Variants in SECISBP2L observed in about 807,000 individuals in gnomAD.
SECISBP2L encodes SECIS binding protein 2 like.
Under a neutral mutation model 114.7 loss-of-function variants are expected in SECISBP2L, and 43 were observed. The ratio of observed to expected loss-of-function variants is 0.38; its 90% CI spans 0.29 to 0.48. SECISBP2L has a LOEUF of 0.48. Among genes scored for constraint, SECISBP2L ranks in the 20% least tolerant of loss-of-function variants. The pLI is 0.98. For synonymous variants in SECISBP2L, 451 were observed against 439.7 expected (o/e 1.03, Z -0.32); for missense variants, 1,136 against 1,301.1 (o/e 0.87, Z 1.95).
chr15:49,029,788 T>C (rs1902845547), intron 4 of SECISBP2L, among the ~76,000 whole-genome samples: 1 of 152,184 alleles, frequency 6.6e-6, no homozygotes, highest in Non-Finnish European at 1.5e-5. Flanking sequence ...GATCCACATA[T>C]TCATTAAATA....
Position 49,028,131 on chromosome 15 carries a change from A to G in SECISBP2L, c.919+13T>C. 4.4e-6 allele frequency: 7 copies of G among 1,576,590 alleles called. No individual in the cohort carries two copies. The highest frequency in any genetic ancestry group is 6.0e-6 in the Non-Finnish European group (7 of 1,160,420). On this transcript the variant is annotated intron_variant, in intron 6 of 17. Transcript: ENST00000559471. ...AGAAAGTATAGCAAAAACACAATGCAGAAAACAAGTACCTGCACACATAGA... is the reference window on the plus strand; with the variant it reads ...AGAAAGTATAGCAAAAACACAATGCGGAAAACAAGTACCTGCACACATAGA...
chr15:49,032,155 T>C (rs1223581347), intron 4 of SECISBP2L, among the ~76,000 whole-genome samples: 1 of 152,208 alleles, frequency 6.6e-6, no homozygotes, highest in East Asian at 1.9e-4. Context: ...AGCCATCTTA[T>C]TCATTTCAAC....
At chr15:49,045,688 T>TA (rs201000481) in intron 1 of SECISBP2L, among the ~76,000 whole-genome samples, 68 of 151,426 alleles carry the variant, frequency 4.5e-4, no homozygotes, top group East Asian at 2.1e-3. Context: ...GAGCTAGCTT[T>TA]AAAAAAAAAC....
chr15:49,009,622 C>T (rs770608796), intron 13 of SECISBP2L, among the ~76,000 whole-genome samples: 14 of 151,978 alleles, frequency 9.2e-5, no homozygotes, highest in Non-Finnish European at 1.8e-4. Context: ...GCCTGTGGTC[C>T]CAGCTACTCA....
chr15:49,029,009 C>A (rs1419007230), intron 4 of SECISBP2L, among the ~76,000 whole-genome samples: 3 of 152,066 alleles, frequency 2.0e-5, no homozygotes, highest in Admixed American at 1.3e-4. Context: ...CAGGCACGCA[C>A]CACCACCACA....
rs573427454 is a variant in SECISBP2L at position 49,035,377 on chromosome 15, C to G, written c.485G>C (p.Ser162Thr). Residue 162 changes from serine to threonine, a missense_variant, in exon 3 of 18, where the codon AGC becomes ACC. Transcript: ENST00000559471. Reference protein sequence around the residue: ...SQLGQVFPLSSHRSRNSNRGS... With the variant: ...SQLGQVFPLSTHRSRNSNRGS... Reference sequence around the variant, plus strand: ...TCTGTTACTGTTTCTGCTTCGATGGCTGGACAATGGGAAGACCTGTCCAAG... The same window carrying G: ...TCTGTTACTGTTTCTGCTTCGATGGGTGGACAATGGGAAGACCTGTCCAAG... 6 of 1,614,134 alleles carry G rather than the reference C, an allele frequency of 3.7e-6. No homozygotes were observed. Among genetic ancestry groups the G allele is most frequent in the Non-Finnish European group, 5.1e-6 (6 of 1,180,014 alleles).
chr15:49,034,204 T>C (rs1902956279), intron 3 of SECISBP2L, among the ~76,000 whole-genome samples: 1 of 152,180 alleles, frequency 6.6e-6, no homozygotes. Flanking sequence ...GTTGGGCTAA[T>C]GGAATCTAGG....
At chr15:49,031,285 G>A (rs909735526) in intron 4 of SECISBP2L, among the ~76,000 whole-genome samples, 3 of 151,968 alleles carry the variant, frequency 2.0e-5, no homozygotes, top group African/African-American at 7.2e-5. Context: ...CAGACCTCAA[G>A]TGATCTGTCT....
Position 49,020,212 on chromosome 15 carries a change from C to T in SECISBP2L, c.1036-660G>A, listed in dbSNP as rs545423033. 3.9e-5 allele frequency among the ~76,000 whole-genome samples: 6 copies of T among 152,080 alleles called. No individual in the cohort carries two copies. In the East Asian group the frequency reaches 9.7e-4, roughly 25 times the overall value. ...CAGGGGGGAAACTGCATATTACTTGCTTATTTTTTTTAGAGACGTGATCTT... is the reference window on the plus strand; with the variant it reads ...CAGGGGGGAAACTGCATATTACTTGTTTATTTTTTTTAGAGACGTGATCTT... On this transcript the variant is annotated intron_variant, in intron 7 of 17. Transcript: ENST00000559471.
At chr15:49,031,823 C>T (rs962469460) in intron 4 of SECISBP2L, among the ~76,000 whole-genome samples, 2 of 152,014 alleles carry the variant, frequency 1.3e-5, no homozygotes, top group South Asian at 2.1e-4. Context: ...TAATAAGCAA[C>T]GTAAAGAAGT....
At chr15:48,993,850 T>C (rs1251905196) in intron 17 of SECISBP2L, among the ~76,000 whole-genome samples, 1 of 152,136 alleles carries the variant, frequency 6.6e-6, no homozygotes, top group Non-Finnish European at 1.5e-5. Flanking sequence ...CTGTATTTTT[T>C]CAAATTTTTT....
At chr15:49,015,622 A>T (rs1196740219) in intron 11 of SECISBP2L, among the ~76,000 whole-genome samples, 2 of 152,206 alleles carry the variant, frequency 1.3e-5, no homozygotes, top group Non-Finnish European at 2.9e-5. Flanking sequence ...AAAGACTATG[A>T]AAAGAAATGA....
chr15:49,028,389 G>A, intron 5 of SECISBP2L, 64 bp downstream of exon 5: 1 of 1,461,754 alleles, frequency 6.8e-7, no homozygotes, highest in South Asian at 1.2e-5. Context: ...AGCTTTAGCA[G>A]AGGATGCAAA....
intron 4 of SECISBP2L, among the ~76,000 whole-genome samples, chr15:49,031,617 G>A (rs1376376501): frequency 6.6e-6 from 1 of 152,070 alleles, no homozygotes; most frequent in Non-Finnish European, 1.5e-5. Context: ...ATCTCTGATT[G>A]ATACCAATTA....
chr15:49,034,808 C>T (rs1902972322), intron 3 of SECISBP2L, among the ~76,000 whole-genome samples: 1 of 151,908 alleles, frequency 6.6e-6, no homozygotes, highest in Non-Finnish European at 1.5e-5. Context: ...GAGCTACAGG[C>T]ATGCACTAAC....
chr15:49,027,524 T>C (rs1902769477), intron 6 of SECISBP2L, 44 bp from the exon 7 acceptor site: 3 of 1,254,798 alleles, frequency 2.4e-6, no homozygotes, highest in Non-Finnish European at 3.4e-6. Flanking sequence ...TTATAAAAGG[T>C]AGGAAAACCT....
rs1173357961 is a variant in SECISBP2L, at chr15:48,988,849, T to C, written c.*3395A>G. ...GACATTAAATTATAAACTTATGTGG[T>C]ATATTTAGAAATTAAATTATAAAAT... On this transcript the variant is annotated 3_prime_UTR_variant, in exon 18 of 18. Transcript: ENST00000559471. 4 of 194,582 alleles carry C rather than the reference T, an allele frequency of 2.1e-5. No homozygotes were observed. The East Asian group carries it at 5.2e-4, about 25-fold the overall frequency. 12.1% of individuals were successfully genotyped at this position (194,582 alleles called of 1,614,324 possible).
chr15:49,010,637 A>G lies in SECISBP2L; in HGVS notation c.1864+1094T>C, dbSNP rs536214363. ...CCAATCCTCCCACTTCAGTCCCCCA[A>G]GTAGCTTGGACTATAAATATGAGCT... On this transcript the variant is annotated intron_variant, in intron 13 of 17. Coordinates refer to ENST00000559471, the MANE Select transcript of SECISBP2L (RefSeq NM_001193489.2). Among the ~76,000 whole-genome samples the G allele has an allele frequency of 1.1e-4, 17 of 152,220 alleles. No homozygotes were observed. The South Asian group carries it at 3.3e-3, about 30-fold the overall frequency.
chr15:49,023,451 T>G (rs1902682691), intron 7 of SECISBP2L, among the ~76,000 whole-genome samples: 1 of 152,216 alleles, frequency 6.6e-6, no homozygotes, highest in South Asian at 2.1e-4. Context: ...ACTAGGCACT[T>G]TCCACATTGT....
Sources: allele counts gnomAD v4.1 joint callset (sites outside exome capture counted in the v4.1 genomes callset), GRCh38; gene constraint gnomAD v4.1.1; transcripts MANE v1.5; gene names NCBI Gene and HGNC (gene_info 2026-07-23, HGNC 2026-07-21).